Variants in MYT1L observed in about 807,000 individuals in gnomAD.
MYT1L encodes the protein myelin transcription factor 1-like protein.
A neutral mutation model predicts 126.7 loss-of-function variants in MYT1L; 12 were observed. The ratio of observed to expected loss-of-function variants is 0.09; its 90% CI spans 0.06 to 0.15. MYT1L has a LOEUF of 0.15. MYT1L is among the 10% of genes least tolerant of loss of function. The probability of loss-of-function intolerance (pLI) is 1.00; values close to 1 mark genes in which losing one functional copy is unlikely to be tolerated. For missense variants in MYT1L, 979 were observed against 1,585.2 expected, an observed-to-expected ratio of 0.62 and a Z score of 6.49; for synonymous variants, 541 against 604.2, an observed-to-expected ratio of 0.90 and a Z score of 1.53.
chr2:2,211,626 T>G (rs963412344), intron 2 of MYT1L, among the ~76,000 whole-genome samples: 2 of 151,808 alleles, frequency 1.3e-5, no homozygotes, highest in African/African-American at 4.8e-5. Flanking sequence ...GCCAACATGG[T>G]GAAACCTGTC....
At chr2:1,895,757 C>G (rs1185898443) in intron 14 of MYT1L, among the ~76,000 whole-genome samples, 1 of 152,086 alleles carries the variant, frequency 6.6e-6, no homozygotes, top group African/African-American at 2.4e-5. Flanking sequence ...TAGGAAATAC[C>G]CTTTTCAACA....
chr2:2,232,093 T>A (rs2094175240), intron 2 of MYT1L, among the ~76,000 whole-genome samples: 1 of 152,208 alleles, frequency 6.6e-6, no homozygotes, highest in South Asian at 2.1e-4. Context: ...GAGAACACAA[T>A]GAGAAATAGG....
At chr2:1,826,809 G>A (rs1272831164) in intron 21 of MYT1L, 3 of 150,370 alleles carry the variant, frequency 2.0e-5, no homozygotes, top group African/African-American at 7.3e-5. Flanking sequence ...GGTTCAGTAA[G>A]GCCAGTTTTC....
chr2:1,823,733 C>T (rs540898727), intron 21 of MYT1L, among the ~76,000 whole-genome samples: 4 of 151,746 alleles, frequency 2.6e-5, no homozygotes, highest in African/African-American at 7.3e-5. Context: ...GCTCCTGGCA[C>T]GAGCAGCGAT....
intron 4 of MYT1L, among the ~76,000 whole-genome samples, chr2:2,016,253 G>A (rs1291659736): frequency 2.0e-5 from 3 of 152,202 alleles, no homozygotes; most frequent in African/African-American, 4.8e-5. Flanking sequence ...CACGTGATAT[G>A]CCAGGGGAGA....
At chr2:1,817,608 T>A (rs1314086425) in intron 21 of MYT1L, among the ~76,000 whole-genome samples, 1 of 152,148 alleles carries the variant, frequency 6.6e-6, no homozygotes, top group Non-Finnish European at 1.5e-5. Context: ...CACTGCCAGC[T>A]CAGGTCCAAT....
In MYT1L at chr2:1,956,446, CATCT is replaced by C. The variant is rs1288123214; in HGVS notation, c.153-13116_153-13113del. ...TCTATCTATCTATCTATCTACCTAT[CATCT>C]ATCTATCCTATTCTATATTTCCTAT... On this transcript the variant is annotated intron_variant, in intron 8 of 24. Transcript: ENST00000647738. 7.8e-5 allele frequency among the ~76,000 whole-genome samples: 11 copies of C among 140,242 alleles called. 1 individual carries two copies. The highest frequency in any genetic ancestry group is 2.3e-4 in the South Asian group (1 of 4,352). The allele number at this position is 140,242 out of a possible 152,430, so 92.0% of individuals were successfully genotyped here.
intron 2 of MYT1L, among the ~76,000 whole-genome samples, chr2:2,250,678 T>C (rs2094623834): frequency 6.6e-6 from 1 of 152,108 alleles, no homozygotes; most frequent in Non-Finnish European, 1.5e-5. Context: ...GGATTGTTTG[T>C]AACACAAAGA....
intron 2 of MYT1L, among the ~76,000 whole-genome samples, chr2:2,273,988 T>A (rs2149358218): frequency 6.6e-6 from 1 of 152,172 alleles, no homozygotes; most frequent in Non-Finnish European, 1.5e-5. Flanking sequence ...TTCAAATGAA[T>A]ATAGAGAACT....
intron 13 of MYT1L, among the ~76,000 whole-genome samples, chr2:1,907,836 CA>C (rs1219293184): frequency 6.6e-6 from 1 of 152,254 alleles, no homozygotes; most frequent in Non-Finnish European, 1.5e-5. Context: ...CATGCTGGGA[CA>C]GGGACTTGTC....
intron 14 of MYT1L, among the ~76,000 whole-genome samples, chr2:1,897,049 T>C (rs1243889574): frequency 1.3e-5 from 2 of 152,222 alleles, no homozygotes; most frequent in Non-Finnish European, 2.9e-5. Flanking sequence ...CAAGAGTCTT[T>C]TGATGTGCCT....
chr2:1,965,801 C>T (rs572688312), intron 8 of MYT1L, among the ~76,000 whole-genome samples: 4 of 152,330 alleles, frequency 2.6e-5, no homozygotes, highest in South Asian at 2.1e-4. Flanking sequence ...CACAGATGCC[C>T]AGAGCTTGCT....
At chr2:2,167,556 T>A (rs941418263) in intron 3 of MYT1L, among the ~76,000 whole-genome samples, 4 of 152,224 alleles carry the variant, frequency 2.6e-5, no homozygotes, top group African/African-American at 9.6e-5. Context: ...TCTCTCACCA[T>A]CTACAGAGCT....
At chr2:2,082,271 T>G (rs1239708873) in intron 3 of MYT1L, among the ~76,000 whole-genome samples, 1 of 152,236 alleles carries the variant, frequency 6.6e-6, no homozygotes, top group East Asian at 1.9e-4. Context: ...TTGGTTCAGT[T>G]GCTCAAGCTT....
rs187926969 is a variant in MYT1L, at chr2:2,135,144, C to T, written c.-304+37728G>A. ...TGTGTGATATGGTTTGGCTGTGTCC[C>T]CACCCAAATCTCATCTTGAATTGTA... On this transcript the variant is annotated intron_variant, in intron 3 of 24. Transcript: ENST00000647738. Among the ~76,000 whole-genome samples the T allele has an allele frequency of 1.1e-3, 173 of 152,254 alleles. 1 individual carries two copies. The highest frequency in any genetic ancestry group is 3.5e-3 in the African/African-American group (147 of 41,534).
intron 21 of MYT1L, among the ~76,000 whole-genome samples, chr2:1,817,796 T>C (rs12611719): frequency 0.33 from 50,824 of 152,122 alleles, 9,508 homozygotes; most frequent in East Asian, 0.65. Flanking sequence ...CGGGTGTAAA[T>C]TATAAAGAGG....
chr2:2,081,092 C>A (rs911383842), intron 3 of MYT1L, among the ~76,000 whole-genome samples: 1 of 152,062 alleles, frequency 6.6e-6, no homozygotes. Flanking sequence ...ATGGTGATAG[C>A]CGCATAGCTC....
chr2:2,224,826 A>C lies in MYT1L; in HGVS notation c.-420-51838T>G, dbSNP rs879838232. Among the ~76,000 whole-genome samples the C allele has an allele frequency of 5.7e-4, 86 of 150,172 alleles. No individual in the cohort carries two copies. Among genetic ancestry groups the C allele is most frequent in the Admixed American group, 5.3e-4 (8 of 15,122 alleles). Reference sequence around the variant, plus strand: ...AGAGCAAGACTCCGTCTCAAAAGAAAAAAAAAAAAAGGAAAATAAATGTTT... The same window carrying C: ...AGAGCAAGACTCCGTCTCAAAAGAACAAAAAAAAAAGGAAAATAAATGTTT... On this transcript the variant is annotated intron_variant, in intron 2 of 24. Coordinates refer to ENST00000647738, the MANE Select transcript of MYT1L (RefSeq NM_001303052.2). This position sits in a 1 kb window ranked among gnomAD's most constrained non-coding sequence, Gnocchi z 4.0.
At chr2:1,842,842 C>A (rs4077156) in intron 19 of MYT1L, 1 of 154,604 alleles carries the variant, frequency 6.5e-6, no homozygotes, top group Non-Finnish European at 1.4e-5. Context: ...TGATGTCACA[C>A]CCAAGGCCTC....
Sources: gnomAD v4.1 joint callset for allele counts (sites outside exome capture counted in the v4.1 genomes callset) on GRCh38, gnomAD v4.1.1 for gene constraint, Gnocchi (gnomAD v3.1) non-coding constraint, MANE v1.5 for transcripts, NCBI Gene and HGNC (gene_info 2026-07-23, HGNC 2026-07-21) for gene names.